The following ITGA11 variants were observed in gnomAD, a reference collection of about 807,000 sequenced individuals.
ITGA11 encodes integrin alpha-11.
In ITGA11, 97 loss-of-function variants were observed where a neutral mutation model predicts 141.9. The ratio of observed to expected loss-of-function variants is 0.68; its 90% CI spans 0.58 to 0.81. ITGA11 has a LOEUF of 0.81. ITGA11 is among the 30% of genes least tolerant of loss of function. ITGA11 has a pLI of 0.00. For missense variants in ITGA11, 1,387 were observed against 1,559.2 expected (o/e 0.89, Z 1.86); for synonymous variants, 658 against 624.6 (o/e 1.05, Z -0.80).
chr15:68,350,017 C>T (rs1894853899), intron 9 of ITGA11, among the ~76,000 whole-genome samples: 1 of 152,200 alleles, frequency 6.6e-6, no homozygotes, highest in African/African-American at 2.4e-5. Flanking sequence ...TAGTTCAAAG[C>T]CCACCATGCT....
At chr15:68,347,595 T>TC (rs1025536757) in intron 10 of ITGA11, among the ~76,000 whole-genome samples, 4 of 152,004 alleles carry the variant, frequency 2.6e-5, no homozygotes, top group Non-Finnish European at 4.4e-5. Flanking sequence ...CACGCACATG[T>TC]CCCCCTCCCC....
At chr15:68,388,724 T>C (rs1463800826) in intron 2 of ITGA11, among the ~76,000 whole-genome samples, 1 of 152,160 alleles carries the variant, frequency 6.6e-6, no homozygotes, top group Non-Finnish European at 1.5e-5. Flanking sequence ...CACCTAGACT[T>C]CTACAGCCTT....
Position 68,423,301 on chromosome 15 carries a change from C to A in ITGA11, c.52+8714G>T, listed in dbSNP as rs528192186. Among the ~76,000 whole-genome samples, 63 of 152,168 alleles carry A rather than the reference C, an allele frequency of 4.1e-4. 1 individual carries two copies. In the South Asian group the frequency reaches 0.012, roughly 29 times the overall value. ...TGGAATCACACAAGTGGGGCCCCACCTGACTGATTGAGGAGGTCAGGGGAG... is the reference window on the plus strand; with the variant it reads ...TGGAATCACACAAGTGGGGCCCCACATGACTGATTGAGGAGGTCAGGGGAG... On this transcript the variant is annotated intron_variant, in intron 1 of 29. Transcript: ENST00000315757.
At chr15:68,353,170 T>A (rs550814352) in intron 7 of ITGA11, among the ~76,000 whole-genome samples, 132 of 152,346 alleles carry the variant, frequency 8.7e-4, no homozygotes, top group African/African-American at 3.0e-3. Flanking sequence ...ATGCATACAA[T>A]TTAGGAGTTG....
chr15:68,408,615 G>T (rs1242230316), intron 1 of ITGA11, among the ~76,000 whole-genome samples: 21 of 152,124 alleles, frequency 1.4e-4, no homozygotes, highest in Non-Finnish European at 5.9e-5. Context: ...GGACCCTGTG[G>T]GCTGGGTGCT....
chr15:68,386,946 G>GC lies in ITGA11; in HGVS notation c.164+15971dup, dbSNP rs140835606. Among the ~76,000 whole-genome samples the GC allele has an allele frequency of 5.3e-5, 8 of 152,082 alleles. No homozygotes were observed. The East Asian group carries it at 1.5e-3, about 29-fold the overall frequency. On this transcript the variant is annotated intron_variant, in intron 2 of 29. Coordinates refer to ENST00000315757, the MANE Select transcript of ITGA11 (RefSeq NM_001004439.2). The stretch of plus-strand genomic sequence containing the variant: ...AGGGCAGCCTCCCTTCGCCTTGGCC[G>GC]CCCCCTCACCCCCTATCTCACCCAT...
chr15:68,296,880 C>T lies in ITGA11; in HGVS notation c.*6179G>A, dbSNP rs778943074. On this transcript the variant is annotated 3_prime_UTR_variant, in exon 30 of 30. Coordinates refer to ENST00000315757, the MANE Select transcript of ITGA11 (RefSeq NM_001004439.2). ...AAAGACACTTTTATGGCTTCCCTTC[C>T]CTTCTTTCTCCTTCTCTTCTTTGGT... 9 of 151,044 alleles carry T rather than the reference C, an allele frequency of 6.0e-5. No homozygotes were observed. The highest frequency in any genetic ancestry group is 1.3e-4 in the Admixed American group (2 of 15,166). 9.4% of individuals were successfully genotyped at this position (151,044 alleles called of 1,614,324 possible). A position where few individuals can be genotyped will look rare whatever the true frequency, so the allele number is the denominator to read the frequency against.
intron 15 of ITGA11, 61 bp downstream of exon 15, chr15:68,330,920 C>T (rs961614175): frequency 1.2e-6 from 2 of 1,603,018 alleles, no homozygotes; most frequent in East Asian, 2.2e-5. Context: ...ATCTTTAAAA[C>T]CCCTGGATTC....
chr15:68,398,228 C>T (rs1316623647), intron 2 of ITGA11, among the ~76,000 whole-genome samples: 1 of 151,772 alleles, frequency 6.6e-6, no homozygotes, highest in Non-Finnish European at 1.5e-5. Flanking sequence ...AGAGTCAAGA[C>T]CCATCAGTGT....
At chr15:68,352,344 C>T (rs1457103202) in intron 7 of ITGA11, among the ~76,000 whole-genome samples, 1 of 151,904 alleles carries the variant, frequency 6.6e-6, no homozygotes, top group African/African-American at 2.4e-5. Flanking sequence ...AGAGCTCTGC[C>T]ACCACGCTTG....
At chr15:68,355,298 G>A (rs924557406) in intron 7 of ITGA11, among the ~76,000 whole-genome samples, 1 of 152,158 alleles carries the variant, frequency 6.6e-6, no homozygotes, top group South Asian at 2.1e-4. Context: ...ATGGAGAAAT[G>A]CTCATTTAGG....
chr15:68,358,589 G>T lies in ITGA11; in HGVS notation c.473-4C>A. The T allele has an allele frequency of 1.2e-6, 2 of 1,609,292 alleles. No individual in the cohort carries two copies. The highest frequency in any genetic ancestry group is 1.7e-6 in the Non-Finnish European group (2 of 1,178,204). ...ATGTCCATGTAGGTCTGGCACCCTG[G>T]AAAGTGGGGACACAGTTATGGCTAC... On this transcript the variant is annotated splice_polypyrimidine_tract_variant and splice_region_variant and intron_variant, in intron 5 of 29. Transcript: ENST00000315757.
chr15:68,339,716 T>C, intron 10 of ITGA11, 72 bp from the exon 11 acceptor site: 10 of 1,579,248 alleles, frequency 6.3e-6, no homozygotes, highest in Non-Finnish European at 8.7e-6. Flanking sequence ...CATCAGGTCC[T>C]ATGACCAGTG....
At position 68,311,079 on chromosome 15, in the gene ITGA11, G is replaced by A. The variant is rs756439955; in HGVS notation, c.3089C>T (p.Ala1030Val). The change falls in exon 26 of 30, where the codon GCG (alanine) becomes GTG (valine). Residue 1030 changes from alanine to valine, a missense_variant and splice_region_variant. Ala to Val is a moderately conservative substitution (Grantham distance 64). Transcript: ENST00000315757. ...LKLRDFLTDE[A>V]NTSCNIWGNS... ...GCCCCAGATGTTACAGGACGTGTTC[G>A]CCTACATAAAGGACATGGACACACA... 11 of 1,605,162 alleles carry A rather than the reference G, an allele frequency of 6.9e-6. No homozygotes were observed. The highest frequency in any genetic ancestry group is 2.7e-5 in the African/African-American group (2 of 74,710).
rs769431213 is a variant in ITGA11, at chr15:68,402,993, G to A, written c.89C>T (p.Pro30Leu). The change falls in exon 2 of 30, where the codon CCC becomes CTC. Residue 30 changes from proline (P) to leucine (L), a missense_variant. Coordinates refer to ENST00000315757, the MANE Select transcript of ITGA11 (RefSeq NM_001004439.2). ...TDTFNMDTRKPRVIPGSRTAF... is the reference protein window; with the variant it reads ...TDTFNMDTRKLRVIPGSRTAF... ...GGTCCTGGAGCCAGGGATGACCCGG[G>A]GCTTCCTGGTGTCCATGTTGAAGGT... 6 of 1,613,544 alleles carry A rather than the reference G, an allele frequency of 3.7e-6. No homozygotes were observed. Among genetic ancestry groups the A allele is most frequent in the Non-Finnish European group, 5.1e-6 (6 of 1,179,744 alleles).
In ITGA11 at chr15:68,333,641, C is replaced by A. The variant is rs542218089; in HGVS notation, c.1426-1163G>T. On this transcript the variant is annotated intron_variant, in intron 12 of 29. Transcript: ENST00000315757. This position sits in a 1 kb window ranked among gnomAD's most constrained non-coding sequence, Gnocchi z 4.2. ...GGTGCCAATTCACCAACTGCTCCCC[C>A]CTGCTTCGTCCCTAGGTGAGGCGCC... Among the ~76,000 whole-genome samples, 4 of 152,340 alleles carry A rather than the reference C, an allele frequency of 2.6e-5. No homozygotes were observed. Among genetic ancestry groups the A allele is most frequent in the South Asian group, 2.1e-4 (1 of 4,822 alleles).
intron 10 of ITGA11, among the ~76,000 whole-genome samples, chr15:68,340,306 T>G (rs1297933540): frequency 6.6e-6 from 1 of 151,630 alleles, no homozygotes; most frequent in African/African-American, 2.4e-5. Flanking sequence ...TAGATTGAGA[T>G]GGGGGTCAGG....
chr15:68,362,929 G>C (rs1219450713), intron 4 of ITGA11, among the ~76,000 whole-genome samples: 1 of 11,442 alleles, frequency 8.7e-5, no homozygotes, highest in African/African-American at 1.8e-4. Context: ...GTGGATGGAT[G>C]ATGGATGAAT....
chr15:68,307,928 C>T lies in ITGA11; in HGVS notation c.3175-232G>A, dbSNP rs561319398. Reference sequence around the variant, plus strand: ...CTTGAAGCTGTACATTGTGACCGGCCTGGATATATTCCAGGGACAGAACTT... The same window carrying T: ...CTTGAAGCTGTACATTGTGACCGGCTTGGATATATTCCAGGGACAGAACTT... On this transcript the variant is annotated intron_variant, in intron 26 of 29. Coordinates refer to ENST00000315757, the MANE Select transcript of ITGA11 (RefSeq NM_001004439.2). This position sits in a 1 kb window ranked among gnomAD's most constrained non-coding sequence, Gnocchi z 6.1. Among the ~76,000 whole-genome samples the T allele has an allele frequency of 6.6e-6, 1 of 152,292 alleles. No individual in the cohort carries two copies. Among genetic ancestry groups the T allele is most frequent in the Admixed American group, 6.5e-5 (1 of 15,302 alleles).
Sources: gnomAD v4.1 joint callset for allele counts (sites outside exome capture counted in the v4.1 genomes callset) on GRCh38, gnomAD v4.1.1 for gene constraint, Gnocchi (gnomAD v3.1) non-coding constraint, MANE v1.5 for transcripts, NCBI Gene and HGNC (gene_info 2026-07-23, HGNC 2026-07-21) for gene names.